Variants in VPS35L observed in about 807,000 individuals in gnomAD.
VPS35L encodes VPS35 endosomal protein sorting factor like, also known as VPS35 endosomal protein-sorting factor-like.
In VPS35L, 83 loss-of-function variants were observed where a neutral mutation model predicts 133.0. The observed-to-expected ratio is 0.62, with a 90% CI of 0.52 to 0.75. The LOEUF is 0.75. Among genes scored for constraint, VPS35L ranks in the 30% least tolerant of loss-of-function variants. The pLI is 0.00. For missense variants in VPS35L, 1,083 were observed against 1,206.8 expected (o/e 0.90, Z 1.52); for synonymous variants, 423 against 449.9 (o/e 0.94, Z 0.76).
intron 1 of VPS35L, among the ~76,000 whole-genome samples, chr16:19,557,844 A>C (rs1970910425): frequency 6.6e-6 from 1 of 151,974 alleles, no homozygotes; most frequent in Admixed American, 6.5e-5. Flanking sequence ...TGAGGTCAGG[A>C]GTTCCAAGAC....
intron 27 of VPS35L, among the ~76,000 whole-genome samples, chr16:19,680,777 G>A (rs1385835130): frequency 6.6e-6 from 1 of 152,074 alleles, no homozygotes; most frequent in African/African-American, 2.4e-5. Context: ...AAGCGTGGTG[G>A]TATGTACCTG....
At chr16:19,592,016 C>T (rs145494731) in intron 8 of VPS35L, 142 bp downstream of exon 8, 1 of 603,092 alleles carries the variant, frequency 1.7e-6, no homozygotes, top group South Asian at 2.3e-5. Flanking sequence ...CGTTCCCCCC[C>T]ACGCCCATTA....
intron 7 of VPS35L, among the ~76,000 whole-genome samples, chr16:19,582,733 T>C (rs934925093): frequency 6.6e-6 from 1 of 152,228 alleles, no homozygotes; most frequent in African/African-American, 2.4e-5. Context: ...TAGAACTGTG[T>C]CTTCTAAGAG....
At chr16:19,636,621 T>C (rs984142701) in intron 19 of VPS35L, among the ~76,000 whole-genome samples, 1 of 152,242 alleles carries the variant, frequency 6.6e-6, no homozygotes, top group Non-Finnish European at 1.5e-5. Flanking sequence ...TGCCTAATTA[T>C]GAAATGGGCA....
chr16:19,691,349 AC>A lies in VPS35L; in HGVS notation c.2528-3del. The A allele has an allele frequency of 2.5e-6, 4 of 1,610,808 alleles. No individual in the cohort carries two copies. The highest frequency in any genetic ancestry group is 3.4e-6 in the Non-Finnish European group (4 of 1,177,190). On this transcript the variant is annotated splice_polypyrimidine_tract_variant and splice_region_variant and intron_variant, in intron 28 of 30. Coordinates refer to ENST00000417362, the MANE Select transcript of VPS35L (RefSeq NM_020314.7). ...CTGTCTCACTGTTCTTGTTTGTTCA[AC>A]AGTGGACTCCAACGACAGCCTCTAC...
chr16:19,663,539 TC>T (rs1011199852), intron 26 of VPS35L, among the ~76,000 whole-genome samples: 5 of 91,584 alleles, frequency 5.5e-5, no homozygotes, highest in African/African-American at 1.9e-4. Flanking sequence ...CCCGCCACCC[TC>T]CCCCCCGATT....
chr16:19,672,125 T>A (rs975042606), intron 27 of VPS35L, among the ~76,000 whole-genome samples: 35 of 152,146 alleles, frequency 2.3e-4, no homozygotes, highest in Non-Finnish European at 2.2e-4. Flanking sequence ...AATTTTTTTT[T>A]AATGTTTTAT....
intron 1 of VPS35L, among the ~76,000 whole-genome samples, chr16:19,563,290 G>C (rs1410120498): frequency 6.7e-6 from 1 of 149,428 alleles, no homozygotes; most frequent in Non-Finnish European, 1.5e-5. Flanking sequence ...GGCAACATAG[G>C]AAGATGCCAA....
At chr16:19,563,596 C>T (rs185386180) in intron 1 of VPS35L, among the ~76,000 whole-genome samples, 28 of 152,292 alleles carry the variant, frequency 1.8e-4, no homozygotes, top group South Asian at 1.7e-3. Context: ...TGAAATTCTG[C>T]CTGTCGTCCT....
rs1279228349 is a variant in VPS35L, at chr16:19,633,304, G to T, written c.1635+132G>T. 3 of 829,298 alleles carry T rather than the reference G, an allele frequency of 3.6e-6. No individual in the cohort carries two copies. The highest frequency in any genetic ancestry group is 1.7e-5 in the African/African-American group (1 of 59,674). The allele number at this position is 829,298 out of a possible 1,614,324, so 51.4% of individuals were successfully genotyped here. A position where few individuals can be genotyped will look rare whatever the true frequency, so the allele number is the denominator to read the frequency against. The stretch of plus-strand genomic sequence containing the variant: ...TGAATCATAGCTCTGCCATATCCTA[G>T]CCATGTGCCCTTTGATCAGTTACTT... On this transcript the variant is annotated intron_variant, in intron 19 of 30. Transcript: ENST00000417362. The surrounding 1 kb of genome is among the most constrained non-coding windows in gnomAD (Gnocchi z 4.1).
intron 26 of VPS35L, among the ~76,000 whole-genome samples, chr16:19,656,263 CAAAAAA>C (rs34467290): frequency 2.5e-5 from 2 of 81,138 alleles, no homozygotes; most frequent in African/African-American, 5.1e-5. Context: ...GACTCTGTCT[CAAAAAA>C]AAAAAAAAAA....
chr16:19,618,921 GTT>G (rs112519752), intron 14 of VPS35L, among the ~76,000 whole-genome samples: 3 of 137,772 alleles, frequency 2.2e-5, no homozygotes, highest in East Asian at 2.1e-4. Context: ...TTGCCTATCT[GTT>G]TTTTTTTTTT....
intron 1 of VPS35L, among the ~76,000 whole-genome samples, chr16:19,556,232 C>G (rs1368018423): frequency 6.6e-6 from 1 of 152,188 alleles, no homozygotes; most frequent in East Asian, 1.9e-4. Context: ...AGACTTATTC[C>G]TTGGCCTCAA....
chr16:19,575,088 G>GTCTC lies in VPS35L; in HGVS notation c.409-8_409-5dup, dbSNP rs778098207. The stretch of plus-strand genomic sequence containing the variant: ...TTTTTAAAATATTAATGAATTTTAT[G>GTCTC]TCTCTGCAGAATCTGTTTATGGGAT... On this transcript the variant is annotated splice_polypyrimidine_tract_variant and intron_variant, in intron 4 of 30. Transcript: ENST00000417362. 6.3e-7 allele frequency: 1 copy of GTCTC among 1,597,562 alleles called. No individual in the cohort carries two copies. The highest frequency in any genetic ancestry group is 2.2e-5 in the East Asian group (1 of 44,520).
At chr16:19,603,852 C>T (rs1385841234) in intron 9 of VPS35L, among the ~76,000 whole-genome samples, 2 of 152,204 alleles carry the variant, frequency 1.3e-5, no homozygotes, top group Non-Finnish European at 2.9e-5. Context: ...CTGCCTCAGC[C>T]TCCCAAGTAG....
intron 7 of VPS35L, 86 bp from the exon 8 acceptor site, chr16:19,591,704 A>T: frequency 9.8e-7 from 1 of 1,018,618 alleles, no homozygotes; most frequent in Non-Finnish European, 1.5e-6. Context: ...ACTTGTATAT[A>T]GAAACCATTA....
intron 23 of VPS35L, among the ~76,000 whole-genome samples, chr16:19,645,379 T>C (rs1347773561): frequency 6.7e-6 from 1 of 149,106 alleles, no homozygotes; most frequent in Non-Finnish European, 1.5e-5. Flanking sequence ...AAGCTCCGCC[T>C]CCCGGGTTCA....
intron 5 of VPS35L, 179 bp from the exon 6 acceptor site, chr16:19,578,873 G>A (rs1971618726): frequency 3.1e-6 from 2 of 641,850 alleles, no homozygotes; most frequent in South Asian, 3.7e-5. Context: ...AGTGGGAAAT[G>A]TTTCGATGGA....
intron 9 of VPS35L, chr16:19,607,805 G>A: frequency 5.7e-6 from 1 of 176,434 alleles, no homozygotes; most frequent in Non-Finnish European, 1.2e-5. Flanking sequence ...GTCGGCCGCA[G>A]GGCCAGAGTG....
Sources: allele counts gnomAD v4.1 joint callset (sites outside exome capture counted in the v4.1 genomes callset), GRCh38; gene constraint gnomAD v4.1.1; non-coding constraint Gnocchi (gnomAD v3.1); transcripts MANE v1.5; gene names NCBI Gene and HGNC (gene_info 2026-07-23, HGNC 2026-07-21).